SLC38A1: variants seen among roughly 807,000 people sequenced by gnomAD.
SLC38A1 encodes the protein sodium-coupled neutral amino acid symporter 1.
In SLC38A1, 18 loss-of-function variants were observed where a neutral mutation model predicts 60.3. The ratio of observed to expected loss-of-function variants is 0.30; its 90% CI spans 0.21 to 0.44. The LOEUF (loss-of-function observed/expected upper bound fraction) is 0.44, where lower values mean the gene tolerates loss of function less well. Ranked by LOEUF, SLC38A1 falls within the 20% of genes least tolerant of loss-of-function variation. The probability of loss-of-function intolerance (pLI) is 1.00; values close to 1 mark genes in which losing one functional copy is unlikely to be tolerated. For missense variants in SLC38A1, 448 were observed against 587.2 expected (o/e 0.76, Z 2.45); for synonymous variants, 196 against 212.1 (o/e 0.92, Z 0.66).
rs1233239720 is a variant in SLC38A1, at chr12:46,183,683, T to C, written c.*5287A>G. 1.3e-5 allele frequency: 2 copies of C among 152,210 alleles called. No individual in the cohort carries two copies. The highest frequency in any genetic ancestry group is 2.4e-5 in the African/African-American group (1 of 41,452). 9.4% of individuals were successfully genotyped at this position (152,210 alleles called of 1,614,324 possible). On this transcript the variant is annotated 3_prime_UTR_variant, in exon 17 of 17. Transcript: ENST00000398637. ...TGTCATTTGGGTATATCTGTTTCTA[T>C]AGGACAAGGATTTGTGTCTAAATAT...
intron 1 of SLC38A1, among the ~76,000 whole-genome samples, chr12:46,253,128 G>C (rs1206649920): frequency 6.6e-6 from 1 of 152,112 alleles, no homozygotes; most frequent in African/African-American, 2.4e-5. Flanking sequence ...AATAAGTCTA[G>C]GGAGCAAATG....
rs1938931288 is a variant in SLC38A1, at chr12:46,186,188, C to T, written c.*2782G>A. 1 of 152,156 alleles carries T rather than the reference C, an allele frequency of 6.6e-6. No individual in the cohort carries two copies. The highest frequency in any genetic ancestry group is 1.5e-5 in the Non-Finnish European group (1 of 68,022). The allele number at this position is 152,156 out of a possible 1,614,324, so 9.4% of individuals were successfully genotyped here. A position where few individuals can be genotyped will look rare whatever the true frequency, so the allele number is the denominator to read the frequency against. ...TGATCTCCTTATACACTGGGGCTGC[C>T]TGTGCCTAAACACAGTAGATTTCCC... is the stretch of plus-strand genomic sequence containing the variant. On this transcript the variant is annotated 3_prime_UTR_variant, in exon 17 of 17. Transcript: ENST00000398637.
chr12:46,251,376 TG>T (rs1941833088), intron 1 of SLC38A1, among the ~76,000 whole-genome samples: 3 of 152,188 alleles, frequency 2.0e-5, no homozygotes, highest in Admixed American at 2.0e-4. Context: ...GTGTTAGACC[TG>T]AAACCATAAA....
chr12:46,223,759 T>G (rs1369840392), intron 5 of SLC38A1, among the ~76,000 whole-genome samples: 1 of 152,254 alleles, frequency 6.6e-6, no homozygotes, highest in East Asian at 1.9e-4. Flanking sequence ...TAAACTGATA[T>G]CTCAGAAGTG....
In SLC38A1 at chr12:46,268,892, C is replaced by T. The variant is rs889652226; in HGVS notation, c.-575G>A. ...CGACATGCACCGGCGCTGAGGGTCA[C>T]GAATCGGAGTCATTCTCCTACTGGG... On this transcript the variant is annotated 5_prime_UTR_variant, in exon 1 of 17. The change creates a new upstream start codon in the 5' untranslated region. Coordinates refer to ENST00000398637, the MANE Select transcript of SLC38A1 (RefSeq NM_030674.4). The surrounding 1 kb of genome is among the most constrained non-coding windows in gnomAD (Gnocchi z 4.4). The T allele has an allele frequency of 1.5e-5, 7 of 455,810 alleles. No individual in the cohort carries two copies. Among genetic ancestry groups the T allele is most frequent in the Admixed American group, 9.4e-5 (4 of 42,516 alleles). 28.2% of individuals were successfully genotyped at this position (455,810 alleles called of 1,614,324 possible).
At chr12:46,210,091 T>C (rs982554388) in intron 5 of SLC38A1, among the ~76,000 whole-genome samples, 2 of 152,176 alleles carry the variant, frequency 1.3e-5, no homozygotes, top group Admixed American at 6.5e-5. Context: ...ACTTGGCACA[T>C]CATGCCGTTC....
chr12:46,195,329 A>G (rs1939320094), intron 16 of SLC38A1, among the ~76,000 whole-genome samples: 1 of 152,070 alleles, frequency 6.6e-6, no homozygotes, highest in Non-Finnish European at 1.5e-5. Flanking sequence ...CCAGAGGGGC[A>G]CCCACGTGTT....
intron 11 of SLC38A1, among the ~76,000 whole-genome samples, chr12:46,203,785 C>T (rs1182960855): frequency 6.6e-6 from 1 of 152,204 alleles, no homozygotes; most frequent in African/African-American, 2.4e-5. Flanking sequence ...TTGTAAGATA[C>T]AGAATAGAAT....
At chr12:46,225,244 G>A (rs1332246241) in intron 5 of SLC38A1, among the ~76,000 whole-genome samples, 1 of 152,198 alleles carries the variant, frequency 6.6e-6, no homozygotes, top group Non-Finnish European at 1.5e-5. Flanking sequence ...GATAATGGAA[G>A]GGGTGAGCTA....
Position 46,239,821 on chromosome 12 carries a change from T to G in SLC38A1, c.-21A>C. 6.2e-7 allele frequency: 1 copy of G among 1,611,204 alleles called. No individual in the cohort carries two copies. Among genetic ancestry groups the G allele is most frequent in the Non-Finnish European group, 8.5e-7 (1 of 1,179,538 alleles). Reference sequence around the variant, plus strand: ...ATCATGATTAGAAAGTGTCTGTAGTTTGAAAATTAGTCCAAATTTCTCCTG... The same window carrying G: ...ATCATGATTAGAAAGTGTCTGTAGTGTGAAAATTAGTCCAAATTTCTCCTG... On this transcript the variant is annotated 5_prime_UTR_variant, in exon 3 of 17. Transcript: ENST00000398637.
intron 9 of SLC38A1, among the ~76,000 whole-genome samples, chr12:46,204,883 A>C (rs1469249524): frequency 6.6e-6 from 1 of 152,232 alleles, no homozygotes; most frequent in Non-Finnish European, 1.5e-5. Flanking sequence ...ACAGATTCCC[A>C]GAATCCAGCA....
rs749758760 is a variant in SLC38A1, at chr12:46,204,594, TA to T, written c.647-5del. On this transcript the variant is annotated splice_region_variant and splice_polypyrimidine_tract_variant and intron_variant, in intron 9 of 16. Coordinates refer to ENST00000398637, the MANE Select transcript of SLC38A1 (RefSeq NM_030674.4). ...CCACTAGTATAGCCAAGATACCCTT[TA>T]AAAAAAAGTAAAAAATAAATTATTT... 1.3e-5 allele frequency: 20 copies of T among 1,574,336 alleles called. No individual in the cohort carries two copies. Among genetic ancestry groups the T allele is most frequent in the Admixed American group, 3.8e-5 (2 of 52,376 alleles).
In SLC38A1 at chr12:46,268,859, A is replaced by C. The variant is rs901948368; in HGVS notation, c.-542T>G. On this transcript the variant is annotated 5_prime_UTR_variant, in exon 1 of 17. Transcript: ENST00000398637. This position sits in a 1 kb window ranked among gnomAD's most constrained non-coding sequence, Gnocchi z 4.4. ...CTCACACTCTGCTCGCCGGCCTCGC[A>C]CTTACATCGACATGCACCGGCGCTG... 2.2e-6 allele frequency: 1 copy of C among 455,328 alleles called. No homozygotes were observed. Among genetic ancestry groups the C allele is most frequent in the Admixed American group, 2.4e-5 (1 of 42,498 alleles). 28.2% of individuals were successfully genotyped at this position (455,328 alleles called of 1,614,324 possible).
At chr12:46,262,524 A>G (rs926963218) in intron 1 of SLC38A1, among the ~76,000 whole-genome samples, 2 of 152,236 alleles carry the variant, frequency 1.3e-5, no homozygotes, top group African/African-American at 4.8e-5. Context: ...ATGCAGTTGA[A>G]AACAGCCTGG....
chr12:46,229,522 A>T lies in SLC38A1; in HGVS notation c.198+42T>A, dbSNP rs752812114. Reference sequence around the variant, plus strand: ...ATTAAAAAGATTTGTCCCAATTTATATGATTAAAAAAATAAGCATACTTCA... The same window carrying T: ...ATTAAAAAGATTTGTCCCAATTTATTTGATTAAAAAAATAAGCATACTTCA... On this transcript the variant is annotated intron_variant, in intron 4 of 16. Transcript: ENST00000398637. 4.1e-6 allele frequency: 6 copies of T among 1,451,948 alleles called. No homozygotes were observed. In the South Asian group the frequency reaches 6.9e-5, roughly 17 times the overall value. The allele number at this position is 1,451,948 out of a possible 1,614,324, so 89.9% of individuals were successfully genotyped here. A position where few individuals can be genotyped will look rare whatever the true frequency, so the allele number is the denominator to read the frequency against.
At chr12:46,199,289 A>T (rs1021452140) in intron 13 of SLC38A1, among the ~76,000 whole-genome samples, 18 of 150,484 alleles carry the variant, frequency 1.2e-4, no homozygotes, top group Non-Finnish European at 2.1e-4. Context: ...AAAAAAAAAA[A>T]TTAGTTTATG....
chr12:46,234,446 C>CA (rs1941184031), intron 3 of SLC38A1, among the ~76,000 whole-genome samples: 1 of 140,688 alleles, frequency 7.1e-6, no homozygotes, highest in African/African-American at 2.7e-5. Context: ...TTCTTTCTTT[C>CA]TTTTTTTTTT....
rs1199070199 is a variant in SLC38A1, at chr12:46,198,750, T to G, written c.1004-7A>C. On this transcript the variant is annotated splice_region_variant and splice_polypyrimidine_tract_variant and intron_variant, in intron 13 of 16. Coordinates refer to ENST00000398637, the MANE Select transcript of SLC38A1 (RefSeq NM_030674.4). ...AGGTCGGACTGCACGTTGTCTAAAA[T>G]GAGGGAAAAGCAAGAGGGTTTTAAA... The G allele has an allele frequency of 6.4e-7, 1 of 1,574,006 alleles. No individual in the cohort carries two copies. The highest frequency in any genetic ancestry group is 1.1e-5 in the South Asian group (1 of 87,810).
At chr12:46,219,266 T>C (rs1822740) in intron 5 of SLC38A1, among the ~76,000 whole-genome samples, 22,801 of 152,212 alleles carry the variant, frequency 0.15, 2,669 homozygotes, top group East Asian at 0.44. Flanking sequence ...TGGTTAGGTC[T>C]GATTTCTTTC....
Sources: gnomAD v4.1 joint callset for allele counts (sites outside exome capture counted in the v4.1 genomes callset) on GRCh38, gnomAD v4.1.1 for gene constraint, Gnocchi (gnomAD v3.1) non-coding constraint, MANE v1.5 for transcripts, NCBI Gene and HGNC (gene_info 2026-07-23, HGNC 2026-07-21) for gene names.